CALN1: variants seen among roughly 807,000 people sequenced by gnomAD.
CALN1 encodes the protein calneuron 1.
In CALN1, 17 loss-of-function variants were observed where a neutral mutation model predicts 30.6. The ratio of observed to expected loss-of-function variants is 0.56; its 90% CI spans 0.38 to 0.83. The LOEUF is 0.83. CALN1 is among the 40% of genes least tolerant of loss of function. The probability of loss-of-function intolerance (pLI) is 0.00; values close to 1 mark genes in which losing one functional copy is unlikely to be tolerated. For synonymous variants in CALN1, 156 were observed against 131.4 expected (o/e 1.19, Z -1.28); for missense variants, 291 against 354.9 (o/e 0.82, Z 1.45).
At chr7:72,296,597 G>T (rs1431043853) in intron 2 of CALN1, among the ~76,000 whole-genome samples, 1 of 142,774 alleles carries the variant, frequency 7.0e-6, no homozygotes, top group Non-Finnish European at 1.5e-5. Context: ...TTGGGAGAGT[G>T]TATGTGTCGA....
chr7:72,406,446 G>A (rs778369205), intron 1 of CALN1, among the ~76,000 whole-genome samples: 5 of 152,036 alleles, frequency 3.3e-5, no homozygotes, highest in Non-Finnish European at 2.9e-5. Flanking sequence ...TTCCTGATGC[G>A]ATTCCTAAGG....
intron 1 of CALN1, among the ~76,000 whole-genome samples, chr7:72,411,404 T>C (rs966190816): frequency 1.3e-5 from 2 of 152,172 alleles, no homozygotes; most frequent in Non-Finnish European, 2.9e-5. Flanking sequence ...AGATTTTCTA[T>C]GTTAGAGAAA....
the CALN1 span, among the ~76,000 whole-genome samples, chr7:72,459,246 A>T: frequency 6.6e-6 from 1 of 152,138 alleles, no homozygotes; most frequent in African/African-American, 2.4e-5. Flanking sequence ...TAGCTCCCTG[A>T]TGTAAAATGC....
rs558709498 is a variant in CALN1, at chr7:72,418,622, C to G, written c.-225-6347G>C. Among the ~76,000 whole-genome samples the G allele has an allele frequency of 3.5e-4, 54 of 152,172 alleles. 1 individual carries two copies. Among genetic ancestry groups the G allele is most frequent in the Middle Eastern group, 3.4e-3 (1 of 294 alleles). On this transcript the variant is annotated intron_variant, in intron 1 of 6. Coordinates refer to the CALN1 transcript ENST00000395276. ...CAATCGCCCTCTGTAGCTTCCCCGC[C>G]CCGGCTCACATAGGGCTCCTGGAGT...
chr7:72,313,432 C>A (rs757867603), intron 2 of CALN1, among the ~76,000 whole-genome samples: 1 of 152,124 alleles, frequency 6.6e-6, no homozygotes, highest in Non-Finnish European at 1.5e-5. Context: ...CACTGTGTCA[C>A]CCAGGCTGAA....
intron 2 of CALN1, among the ~76,000 whole-genome samples, chr7:72,331,540 G>A (rs891326949): frequency 5.3e-5 from 8 of 152,156 alleles, no homozygotes; most frequent in African/African-American, 9.7e-5. Context: ...GCCCAAAATT[G>A]GGGCTTAGCC....
chr7:72,246,748 G>C (rs1159818867), intron 3 of CALN1, among the ~76,000 whole-genome samples: 1 of 104,068 alleles, frequency 9.6e-6, no homozygotes, highest in Non-Finnish European at 2.0e-5. Context: ...ATTCCTACCA[G>C]AACAATTTTT....
At chr7:71,927,076 G>T (rs1795306586) in intron 5 of CALN1, among the ~76,000 whole-genome samples, 1 of 152,162 alleles carries the variant, frequency 6.6e-6, no homozygotes, top group South Asian at 2.1e-4. Flanking sequence ...ACACTGTGAG[G>T]TATGATAGTA....
intron 3 of CALN1, among the ~76,000 whole-genome samples, chr7:72,209,087 C>T (rs962876358): frequency 7.3e-6 from 1 of 137,770 alleles, no homozygotes; most frequent in Non-Finnish European, 1.5e-5. Flanking sequence ...CCTTCCCTTC[C>T]CTCCTTTCTT....
At chr7:71,843,925 T>C (rs1014581053) in intron 5 of CALN1, among the ~76,000 whole-genome samples, 1 of 151,948 alleles carries the variant, frequency 6.6e-6, no homozygotes, top group African/African-American at 2.4e-5. Context: ...GATTGGTATT[T>C]AAGGGAGAGG....
At chr7:72,265,905 G>T (rs1796563993) in intron 3 of CALN1, among the ~76,000 whole-genome samples, 2 of 152,038 alleles carry the variant, frequency 1.3e-5, no homozygotes, top group Admixed American at 6.6e-5. Flanking sequence ...AGGCCAAGGA[G>T]GGAGGATCAT....
At chr7:71,961,227 T>G (rs1256790793) in intron 5 of CALN1, among the ~76,000 whole-genome samples, 3 of 152,200 alleles carry the variant, frequency 2.0e-5, no homozygotes, top group Non-Finnish European at 2.9e-5. Context: ...TCTCATTCAT[T>G]TATTCACAAT....
intron 4 of CALN1, among the ~76,000 whole-genome samples, chr7:72,070,731 C>A (rs543694306): frequency 3.9e-5 from 6 of 152,176 alleles, no homozygotes; most frequent in African/African-American, 1.4e-4. Context: ...TCTGTACTTA[C>A]AACATTATAG....
chr7:71,913,730 C>T, intron 5 of CALN1: 1 of 152,226 alleles, frequency 6.6e-6, no homozygotes, highest in East Asian at 1.9e-4. Context: ...ACCATCACAC[C>T]TAGCTAAGAG....
chr7:71,847,756 G>A (rs1790371129), intron 5 of CALN1, among the ~76,000 whole-genome samples: 1 of 115,936 alleles, frequency 8.6e-6, no homozygotes, highest in Non-Finnish European at 1.9e-5. Flanking sequence ...GAAGAAAGAA[G>A]AAAGAAGAAG....
chr7:72,222,000 C>T (rs1366831378), intron 3 of CALN1, among the ~76,000 whole-genome samples: 5 of 151,822 alleles, frequency 3.3e-5, no homozygotes, highest in Non-Finnish European at 2.9e-5. Flanking sequence ...CCAAGGCGGG[C>T]GGATCATTTG....
intron 3 of CALN1, among the ~76,000 whole-genome samples, chr7:72,235,150 T>A (rs1245481044): frequency 1.3e-5 from 2 of 152,052 alleles, no homozygotes; most frequent in African/African-American, 4.8e-5. Context: ...AGCATGCTCC[T>A]GTAGTCCCAG....
chr7:72,402,359 C>A (rs1283751654), intron 2 of CALN1, among the ~76,000 whole-genome samples: 1 of 152,202 alleles, frequency 6.6e-6, no homozygotes, highest in Non-Finnish European at 1.5e-5. Flanking sequence ...AATACATCCA[C>A]TTCCTTTTCT....
At chr7:72,160,962 A>C (rs1381002629) in intron 3 of CALN1, among the ~76,000 whole-genome samples, 1 of 152,120 alleles carries the variant, frequency 6.6e-6, no homozygotes, top group East Asian at 1.9e-4. Flanking sequence ...AGGGATGACC[A>C]CGGAACTCAA....
Sources: allele counts gnomAD v4.1 joint callset (sites outside exome capture counted in the v4.1 genomes callset), GRCh38; gene constraint gnomAD v4.1.1; transcripts MANE v1.5; gene names NCBI Gene and HGNC (gene_info 2026-07-23, HGNC 2026-07-21).